KLHL7: variants seen among roughly 807,000 people sequenced by gnomAD.
The protein encoded by KLHL7 is kelch like family member 7.
Under a neutral mutation model 67.4 loss-of-function variants are expected in KLHL7, and 44 were observed. That is an observed-to-expected ratio of 0.65 (90% confidence interval 0.51 to 0.84). The LOEUF (loss-of-function observed/expected upper bound fraction) is 0.84. Among genes scored for constraint, KLHL7 ranks in the 40% least tolerant of loss-of-function variants. KLHL7 has a pLI of 0.00. For synonymous variants in KLHL7, 252 were observed against 243.3 expected (o/e 1.04, Z -0.33); for missense variants, 362 against 718.1 (o/e 0.50, Z 5.67).
At chr7:23,112,565 A>G (rs965313294) in intron 1 of KLHL7, among the ~76,000 whole-genome samples, 4 of 152,258 alleles carry the variant, frequency 2.6e-5, no homozygotes, top group African/African-American at 9.6e-5. Flanking sequence ...AAAATTGGGA[A>G]GAAATTGTTT....
rs73086125 is a variant in KLHL7, at chr7:23,128,702, A to G, written c.442+3530A>G. Among the ~76,000 whole-genome samples, 658 of 151,980 alleles carry G rather than the reference A, an allele frequency of 4.3e-3. 1 individual carries two copies. The highest frequency in any genetic ancestry group is 6.1e-3 in the Non-Finnish European group (417 of 67,944). ...TAAAAAAAAAAGTGACCCTACAGCT[A>G]GCAGGTCCCAAAAGAAACTCCCACA... On this transcript the variant is annotated intron_variant, in intron 4 of 10. Transcript: ENST00000339077.
At chr7:23,141,949 C>T (rs948621048) in intron 5 of KLHL7, among the ~76,000 whole-genome samples, 1 of 151,498 alleles carries the variant, frequency 6.6e-6, no homozygotes, top group African/African-American at 2.4e-5. Flanking sequence ...GATGGAGTCT[C>T]ACTCTGTTGC....
At chr7:23,119,990 G>C (rs1054477425) in intron 1 of KLHL7, among the ~76,000 whole-genome samples, 6 of 151,844 alleles carry the variant, frequency 4.0e-5, no homozygotes, top group African/African-American at 1.5e-4. Context: ...TTGTATACCT[G>C]GTTTGTTTTA....
chr7:23,170,007 C>T (rs940502416), intron 9 of KLHL7, among the ~76,000 whole-genome samples: 4 of 152,186 alleles, frequency 2.6e-5, no homozygotes, highest in East Asian at 1.9e-4. Flanking sequence ...GTCAGGAGTT[C>T]GAGACCAGCC....
chr7:23,126,874 T>A (rs1016760796), intron 4 of KLHL7, among the ~76,000 whole-genome samples: 1 of 152,142 alleles, frequency 6.6e-6, no homozygotes, highest in African/African-American at 2.4e-5. Flanking sequence ...AAGGAATTTT[T>A]AAAAGGTAGC....
chr7:23,163,226 G>A lies in KLHL7; in HGVS notation c.937-2472G>A, dbSNP rs896063046. Among the ~76,000 whole-genome samples the A allele has an allele frequency of 5.3e-5, 8 of 151,930 alleles. No homozygotes were observed. The South Asian group carries it at 8.3e-4, about 16-fold the overall frequency. The stretch of plus-strand genomic sequence containing the variant: ...GCTCTTGTTGCTCAGGCTGGAGTGC[G>A]GTGGCGTGATCTCGGCTCACTGCAA... On this transcript the variant is annotated intron_variant, in intron 7 of 10. Transcript: ENST00000339077.
intron 1 of KLHL7, among the ~76,000 whole-genome samples, chr7:23,120,805 A>G (rs189586699): frequency 7.9e-5 from 12 of 152,292 alleles, no homozygotes; most frequent in Admixed American, 7.8e-4. Context: ...GTTTCAAGCA[A>G]TTCTGCCTTA....
At chr7:23,149,439 C>T (rs971332087) in intron 6 of KLHL7, among the ~76,000 whole-genome samples, 28 of 152,186 alleles carry the variant, frequency 1.8e-4, no homozygotes, top group African/African-American at 6.3e-4. Flanking sequence ...TTCCCTCCTA[C>T]CTTTCTCTTA....
rs1254461872 is a variant in KLHL7 at position 23,124,613 on chromosome 7, G to C, written c.224-75G>C. 1.7e-5 allele frequency: 15 copies of C among 871,760 alleles called. No homozygotes were observed. In the Admixed American group the frequency reaches 2.4e-4, roughly 14 times the overall value. The allele number at this position is 871,760 out of a possible 1,614,324, so 54.0% of individuals were successfully genotyped here. The stretch of plus-strand genomic sequence containing the variant: ...GTTATTTTTCTGCATATTTAACATG[G>C]CCTGGAATGCCGTGGTTCCTCAGTC... On this transcript the variant is annotated intron_variant, in intron 2 of 10. Coordinates refer to ENST00000339077, the MANE Select transcript of KLHL7 (RefSeq NM_001031710.3).
rs1419265890 is a variant in KLHL7 at position 23,140,917 on chromosome 7, C to T, written c.591C>T (p.Asp197=). 2.4e-5 allele frequency: 39 copies of T among 1,613,900 alleles called. No homozygotes were observed. Among genetic ancestry groups the T allele is most frequent in the Non-Finnish European group, 3.1e-5 (36 of 1,179,982 alleles). The part of the protein sequence containing the change: ...VKRVTHLLNQ[D]TLTVRAEDQV... The stretch of plus-strand genomic sequence containing the variant: ...GAGTAACACATCTTCTCAACCAGGA[C>T]ACTCTGACTGTGAGAGCAGAGGATC... The change falls in exon 5 of 11, where the codon GAC becomes GAT. Residue 197 remains aspartate, a synonymous_variant. Transcript: ENST00000339077.
rs372799466 is a variant in KLHL7, at chr7:23,119,213, CT to C, written c.121-4555del. 1.6e-4 allele frequency among the ~76,000 whole-genome samples: 24 copies of C among 151,444 alleles called. No homozygotes were observed. The East Asian group carries it at 3.7e-3, about 23-fold the overall frequency. On this transcript the variant is annotated intron_variant, in intron 1 of 10. Transcript: ENST00000339077. ...TACAATTGATGAGTCAATATTGTTC[CT>C]TTTTTTTTGAGACAGAATCTCGCTC...
chr7:23,128,095 T>C (rs1448117926), intron 4 of KLHL7, among the ~76,000 whole-genome samples: 2 of 149,848 alleles, frequency 1.3e-5, no homozygotes, highest in East Asian at 3.9e-4. Flanking sequence ...ATTGCGCCAC[T>C]GCACTCTAGG....
chr7:23,135,340 T>C (rs1392104316), intron 4 of KLHL7, among the ~76,000 whole-genome samples: 2 of 152,212 alleles, frequency 1.3e-5, no homozygotes, highest in Non-Finnish European at 2.9e-5. Flanking sequence ...AGACTTGTTT[T>C]GTGACCTAGC....
intron 7 of KLHL7, among the ~76,000 whole-genome samples, chr7:23,154,390 A>C (rs1273919718): frequency 1.3e-5 from 2 of 152,020 alleles, no homozygotes; most frequent in Admixed American, 1.3e-4. Context: ...ACTATTTACA[A>C]AACCAGCTAA....
intron 1 of KLHL7, among the ~76,000 whole-genome samples, chr7:23,111,820 CAAAAAAAAAAAA>C (rs895981894): frequency 8.6e-5 from 2 of 23,234 alleles, no homozygotes; most frequent in African/African-American, 1.2e-4. Context: ...GACTCCGTCT[CAAAAAAAAAAAA>C]AAAAAAAAAA....
chr7:23,134,617 G>T (rs974679896), intron 4 of KLHL7, among the ~76,000 whole-genome samples: 6 of 152,022 alleles, frequency 3.9e-5, no homozygotes, highest in Non-Finnish European at 8.8e-5. Context: ...TTTTATTATA[G>T]CTTCAAGGTC....
chr7:23,150,457 G>A (rs1468076529), intron 6 of KLHL7, among the ~76,000 whole-genome samples: 4 of 152,068 alleles, frequency 2.6e-5, no homozygotes, highest in South Asian at 2.1e-4. Flanking sequence ...TGCACTCTGC[G>A]TACTGTTCTA....
At chr7:23,168,943 T>G (rs1307969787) in intron 9 of KLHL7, among the ~76,000 whole-genome samples, 2 of 152,098 alleles carry the variant, frequency 1.3e-5, no homozygotes, top group African/African-American at 2.4e-5. Flanking sequence ...AGTCTTCAAC[T>G]CCAGCTACTG....
chr7:23,146,513 T>C (rs549501655), intron 6 of KLHL7, among the ~76,000 whole-genome samples: 133 of 152,318 alleles, frequency 8.7e-4, no homozygotes, highest in Non-Finnish European at 1.6e-3. Flanking sequence ...TCTGATCTCA[T>C]GTTGTTTTTA....
Sources: allele counts gnomAD v4.1 joint callset (sites outside exome capture counted in the v4.1 genomes callset), GRCh38; gene constraint gnomAD v4.1.1; transcripts MANE v1.5; gene names NCBI Gene and HGNC (gene_info 2026-07-23, HGNC 2026-07-21).